Variants in GGACT observed in about 807,000 individuals in gnomAD.
The protein encoded by GGACT is gamma-glutamylamine cyclotransferase, also known as gamma-glutamylaminecyclotransferase.
For missense variants in GGACT, 241 were observed against 233.2 expected (o/e 1.03, Z -0.22); for synonymous variants, 118 against 115.3 (o/e 1.02, Z -0.15).
intron 2 of GGACT, among the ~76,000 whole-genome samples, chr13:100,581,704 G>A (rs1331134490): frequency 1.3e-5 from 2 of 152,188 alleles, no homozygotes; most frequent in African/African-American, 4.8e-5. Flanking sequence ...TATGAAGGGA[G>A]GGGGAAAGTG....
intron 2 of GGACT, among the ~76,000 whole-genome samples, chr13:100,542,223 G>A (rs1385881922): frequency 6.6e-6 from 1 of 152,218 alleles, no homozygotes. Flanking sequence ...GAACTGAAGA[G>A]CAACCCCGGG....
chr13:100,572,381 A>G (rs951276437), intron 2 of GGACT, among the ~76,000 whole-genome samples: 3 of 152,222 alleles, frequency 2.0e-5, no homozygotes, highest in African/African-American at 7.2e-5. Context: ...AATGGTGATT[A>G]CCAGGAGCTG....
intron 2 of GGACT, among the ~76,000 whole-genome samples, chr13:100,541,280 G>A (rs1390767444): frequency 6.6e-6 from 1 of 152,056 alleles, no homozygotes; most frequent in African/African-American, 2.4e-5. Flanking sequence ...GGGACAGAGT[G>A]CAGGGCAAGT....
intron 2 of GGACT, among the ~76,000 whole-genome samples, chr13:100,562,795 CAAAA>C (rs201672312): frequency 8.1e-6 from 1 of 123,570 alleles, no homozygotes. Context: ...GACAATGTCT[CAAAA>C]AAAAAAAAAG....
chr13:100,576,645 T>C (rs1485918331), intron 2 of GGACT, among the ~76,000 whole-genome samples: 1 of 152,200 alleles, frequency 6.6e-6, no homozygotes, highest in Non-Finnish European at 1.5e-5. Context: ...GTCGTCGAAG[T>C]GAAAAATCAG....
chr13:100,572,246 A>C (rs1875106819), intron 2 of GGACT, among the ~76,000 whole-genome samples: 2 of 152,232 alleles, frequency 1.3e-5, no homozygotes. Flanking sequence ...CCCATCCTAC[A>C]ACAAGGATAA....
intron 2 of GGACT, among the ~76,000 whole-genome samples, chr13:100,582,377 A>C (rs1180786605): frequency 6.6e-6 from 1 of 152,148 alleles, no homozygotes; most frequent in Non-Finnish European, 1.5e-5. Context: ...GTCTCCTCAA[A>C]TCTGTGGTTG....
intron 2 of GGACT, among the ~76,000 whole-genome samples, chr13:100,573,862 C>CA (rs1294250249): frequency 5.2e-4 from 72 of 137,470 alleles, no homozygotes; most frequent in African/African-American, 1.9e-3. Flanking sequence ...TCACACCTGT[C>CA]AAGATGGCAT....
intron 2 of GGACT, among the ~76,000 whole-genome samples, chr13:100,569,873 A>G (rs1220673446): frequency 2.0e-5 from 3 of 152,186 alleles, no homozygotes; most frequent in Admixed American, 6.5e-5. Flanking sequence ...CAGGGGCAAA[A>G]TGCCGCCAGT....
rs140814732 is a variant in GGACT at position 100,559,622 on chromosome 13, G to C, written c.-11+24203C>G. 1.9e-3 allele frequency among the ~76,000 whole-genome samples: 287 copies of C among 152,142 alleles called. 1 individual carries two copies. The highest frequency in any genetic ancestry group is 6.5e-3 in the African/African-American group (270 of 41,498). On this transcript the variant is annotated intron_variant, in intron 2 of 2. Coordinates refer to ENST00000683975, the MANE Select transcript of GGACT (RefSeq NM_001195087.2). ...CAATTCTCCTGCCTCAGCCTCCTGA[G>C]TAGCTGGAATTACAGGTGTGTGCCA...
At chr13:100,544,136 T>C (rs1421198002) in intron 2 of GGACT, among the ~76,000 whole-genome samples, 2 of 152,208 alleles carry the variant, frequency 1.3e-5, no homozygotes, top group Admixed American at 1.3e-4. Context: ...GAAACCTTCT[T>C]GTGTCTCATC....
intron 2 of GGACT, among the ~76,000 whole-genome samples, chr13:100,547,890 C>T (rs548776714): frequency 6.6e-5 from 10 of 152,362 alleles, no homozygotes; most frequent in South Asian, 4.1e-4. Flanking sequence ...TGAGTTCCCA[C>T]GAAGAAACAC....
intron 2 of GGACT, among the ~76,000 whole-genome samples, chr13:100,557,969 T>C (rs2088723665): frequency 6.6e-6 from 1 of 152,000 alleles, no homozygotes; most frequent in Non-Finnish European, 1.5e-5. Flanking sequence ...GGATCACCTG[T>C]CGGGAGTTTG....
At chr13:100,537,790 G>C (rs375241487) in intron 2 of GGACT, 25 of 152,438 alleles carry the variant, frequency 1.6e-4, no homozygotes, top group East Asian at 1.4e-3. Context: ...CAGTCCTATG[G>C]AAGCAGCACA....
In GGACT at chr13:100,560,572, C is replaced by T. The variant is rs2088750956; in HGVS notation, c.-11+23253G>A. On this transcript the variant is annotated intron_variant, in intron 2 of 2. Transcript: ENST00000683975. Reference sequence around the variant, plus strand: ...GCATCCGTGGGAGCTGTGTGGCCCTCCCAGGCCCTGAGGGCTGCGCTGGGA... The same window carrying T: ...GCATCCGTGGGAGCTGTGTGGCCCTTCCAGGCCCTGAGGGCTGCGCTGGGA... Among the ~76,000 whole-genome samples, 2 of 152,242 alleles carry T rather than the reference C, an allele frequency of 1.3e-5. 1 individual carries two copies. The highest frequency in any genetic ancestry group is 4.1e-4 in the South Asian group (2 of 4,836).
intron 2 of GGACT, among the ~76,000 whole-genome samples, chr13:100,570,902 T>C (rs1875062739): frequency 1.3e-5 from 2 of 152,136 alleles, no homozygotes; most frequent in African/African-American, 2.4e-5. Context: ...TCGCTACTTA[T>C]TTGCTCATCT....
intron 2 of GGACT, among the ~76,000 whole-genome samples, chr13:100,548,696 C>T (rs1399430638): frequency 2.6e-5 from 4 of 152,150 alleles, no homozygotes; most frequent in African/African-American, 9.7e-5. Flanking sequence ...ATCTTGTGCC[C>T]TTAAAGTTTA....
intron 2 of GGACT, among the ~76,000 whole-genome samples, chr13:100,547,571 C>G (rs1165721289): frequency 1.3e-5 from 2 of 152,226 alleles, no homozygotes; most frequent in Non-Finnish European, 2.9e-5. Context: ...CTTGTCGGAG[C>G]TCAGCAGGCT....
At chr13:100,547,520 C>T (rs1277739077) in intron 2 of GGACT, among the ~76,000 whole-genome samples, 5 of 152,202 alleles carry the variant, frequency 3.3e-5, no homozygotes, top group Non-Finnish European at 7.4e-5. Context: ...AGGCAGGCCC[C>T]GCGCAGGCCT....
Sources: gnomAD v4.1 joint callset for allele counts (sites outside exome capture counted in the v4.1 genomes callset) on GRCh38, gnomAD v4.1.1 for gene constraint, MANE v1.5 for transcripts, NCBI Gene and HGNC (gene_info 2026-07-23, HGNC 2026-07-21) for gene names.